AGBL1: variants seen among roughly 807,000 people sequenced by gnomAD.
AGBL1 encodes the protein cytosolic carboxypeptidase 4.
Under a neutral mutation model 118.9 loss-of-function variants are expected in AGBL1, and 130 were observed. That is an observed-to-expected ratio of 1.09 (90% confidence interval 0.95 to 1.26). The LOEUF (loss-of-function observed/expected upper bound fraction) is 1.26. Among genes scored for constraint, AGBL1 ranks in the 50% most tolerant of loss-of-function variants. AGBL1 has a pLI of 0.00. For missense variants in AGBL1, 1,584 were observed against 1,298.1 expected (o/e 1.22, Z -3.38); for synonymous variants, 555 against 478.9 (o/e 1.16, Z -2.08).
chr15:86,791,527 A>G (rs1009723685), intron 22 of AGBL1, among the ~76,000 whole-genome samples: 17 of 152,084 alleles, frequency 1.1e-4, no homozygotes, highest in African/African-American at 4.1e-4. Context: ...TCCTTAGGGA[A>G]GTAAAGTCAG....
chr15:86,976,216 C>A (rs1000185398), intron 23 of AGBL1, among the ~76,000 whole-genome samples: 1 of 149,492 alleles, frequency 6.7e-6, no homozygotes, highest in African/African-American at 2.4e-5. Context: ...ATAATTTATT[C>A]TAGTAATATA....
At position 86,222,134 on chromosome 15, in the gene AGBL1, T is replaced by C. The variant is rs945182542; in HGVS notation, c.489-2780T>C. On this transcript the variant is annotated intron_variant, in intron 5 of 22. Coordinates refer to ENST00000614907, the MANE Select transcript of AGBL1 (RefSeq NM_001386094.1). ...GGCAGCCCTCTATTCTGCTCTTGAT[T>C]GAATTTCCTCTCCGATATCACCTGC... Among the ~76,000 whole-genome samples the C allele has an allele frequency of 4.6e-5, 7 of 152,262 alleles. No individual in the cohort carries two copies. In the East Asian group the frequency reaches 9.7e-4, roughly 21 times the overall value.
chr15:86,194,848 T>A (rs2077775664), intron 5 of AGBL1, among the ~76,000 whole-genome samples: 2 of 152,206 alleles, frequency 1.3e-5, no homozygotes, highest in Non-Finnish European at 2.9e-5. Flanking sequence ...TAGCAAGGTC[T>A]TAGGCAAAAG....
At chr15:86,857,521 G>A (rs982666409) in intron 22 of AGBL1, among the ~76,000 whole-genome samples, 15 of 152,114 alleles carry the variant, frequency 9.9e-5, no homozygotes, top group South Asian at 4.2e-4. Context: ...TCTTCACTTC[G>A]CCCCACCTGC....
chr15:86,761,637 G>C (rs191975315), intron 22 of AGBL1, among the ~76,000 whole-genome samples: 6 of 152,048 alleles, frequency 3.9e-5, no homozygotes, highest in Admixed American at 3.9e-4. Context: ...AAAAAGAGGA[G>C]TGTCTGTTCA....
chr15:86,651,785 A>G (rs1367043411), intron 21 of AGBL1, among the ~76,000 whole-genome samples: 2 of 152,152 alleles, frequency 1.3e-5, no homozygotes, highest in Non-Finnish European at 2.9e-5. Context: ...TTAACTCTTA[A>G]CACTGAGTTC....
intron 18 of AGBL1, among the ~76,000 whole-genome samples, chr15:86,439,428 C>T (rs972009045): frequency 2.0e-5 from 3 of 152,020 alleles, no homozygotes; most frequent in African/African-American, 7.2e-5. Flanking sequence ...GTATTAATGG[C>T]CCTGTATGGT....
chr15:86,674,747 G>A (rs1360091585), intron 22 of AGBL1, among the ~76,000 whole-genome samples: 3 of 152,110 alleles, frequency 2.0e-5, no homozygotes, highest in Non-Finnish European at 4.4e-5. Flanking sequence ...CCAGTTATGT[G>A]TTTATATGTA....
At chr15:86,360,585 C>CT (rs2080790427) in intron 17 of AGBL1, among the ~76,000 whole-genome samples, 1 of 151,760 alleles carries the variant, frequency 6.6e-6, no homozygotes, top group South Asian at 2.1e-4. Context: ...CTCCTTTTAT[C>CT]TTTTTTGGCA....
At position 86,305,696 on chromosome 15, in the gene AGBL1, C is replaced by T. The variant is rs150113805; in HGVS notation, c.2374+10288C>T. 4.7e-3 allele frequency among the ~76,000 whole-genome samples: 714 copies of T among 152,196 alleles called. 6 individuals are homozygous for T. Among genetic ancestry groups the T allele is most frequent in the African/African-American group, 0.016 (672 of 41,554 alleles). ...TACTGTTAGTAGTTTTAAATTTATC[C>T]TTTAATACACAGATGCATGCACACA... On this transcript the variant is annotated intron_variant, in intron 17 of 22. Transcript: ENST00000614907.
chr15:86,849,323 G>T (rs988028012), intron 22 of AGBL1, among the ~76,000 whole-genome samples: 2 of 152,136 alleles, frequency 1.3e-5, no homozygotes, highest in African/African-American at 4.8e-5. Flanking sequence ...TGCTGAAGCG[G>T]CCAGGCTGCT....
At chr15:86,686,498 C>A (rs985964997) in intron 22 of AGBL1, among the ~76,000 whole-genome samples, 3 of 140,794 alleles carry the variant, frequency 2.1e-5, no homozygotes, top group African/African-American at 7.9e-5. Context: ...AGTGCAATGG[C>A]ATGATCTCGG....
intron 17 of AGBL1, among the ~76,000 whole-genome samples, chr15:86,364,958 C>CACACACACATATATATATATATATATAT (rs1474501613): frequency 1.3e-5 from 1 of 76,138 alleles, no homozygotes; most frequent in Non-Finnish European, 3.1e-5. Context: ...ATATGTCACA[C>CACACACACATATATATATATATATATAT]ATATATATAT....
At chr15:86,513,730 G>T (rs1292638716) in intron 18 of AGBL1, among the ~76,000 whole-genome samples, 2 of 151,978 alleles carry the variant, frequency 1.3e-5, no homozygotes, top group Non-Finnish European at 2.9e-5. Flanking sequence ...AAAATTAAGA[G>T]CTATTCCTTC....
At chr15:86,570,294 G>A (rs2083986104) in intron 21 of AGBL1, among the ~76,000 whole-genome samples, 1 of 152,194 alleles carries the variant, frequency 6.6e-6, no homozygotes, top group African/African-American at 2.4e-5. Context: ...CCAGGCTCTT[G>A]ACACCATCGT....
At chr15:86,082,798 G>A (rs1895373008) in intron 1 of AGBL1, among the ~76,000 whole-genome samples, 4 of 152,218 alleles carry the variant, frequency 2.6e-5, no homozygotes, top group Admixed American at 1.3e-4. Flanking sequence ...CCTTTACAGC[G>A]TGGGTGTGAG....
rs561411513 is a variant in AGBL1 at position 86,962,500 on chromosome 15, C to T, written c.3222-25487C>T. On this transcript the variant is annotated intron_variant, in intron 23 of 24. Transcript: ENST00000441037. ...TTTGTTTACTATCATGCCACATATT[C>T]GTTTCACCACAAAACACTTTTTTTA... Among the ~76,000 whole-genome samples, 14 of 152,068 alleles carry T rather than the reference C, an allele frequency of 9.2e-5. No homozygotes were observed. In the East Asian group the frequency reaches 9.7e-4, roughly 11 times the overall value.
chr15:86,626,044 C>T (rs1458798632), intron 21 of AGBL1, among the ~76,000 whole-genome samples: 1 of 152,010 alleles, frequency 6.6e-6, no homozygotes, highest in African/African-American at 2.4e-5. Context: ...GAAAGAGATG[C>T]ATGAACAGAA....
chr15:86,506,954 A>G (rs2082984875), intron 18 of AGBL1, among the ~76,000 whole-genome samples: 1 of 152,086 alleles, frequency 6.6e-6, no homozygotes, highest in Admixed American at 6.6e-5. Flanking sequence ...ATATATATAA[A>G]AGTCATATTG....
Sources: allele counts gnomAD v4.1 joint callset (sites outside exome capture counted in the v4.1 genomes callset), GRCh38; gene constraint gnomAD v4.1.1; transcripts MANE v1.5; gene names NCBI Gene and HGNC (gene_info 2026-07-23, HGNC 2026-07-21).